Variants in LIMS1 observed in about 807,000 individuals in gnomAD.
LIMS1 encodes LIM and senescent cell antigen-like-containing domain protein 1.
A neutral mutation model predicts 44.1 loss-of-function variants in LIMS1; 18 were observed. That is an observed-to-expected ratio of 0.41 (90% CI 0.28 to 0.61). LIMS1 has a LOEUF of 0.61. Among genes scored for constraint, LIMS1 ranks in the 20% least tolerant of loss-of-function variants. The probability of loss-of-function intolerance (pLI) is 0.32; values close to 1 mark genes in which losing one functional copy is unlikely to be tolerated. For synonymous variants in LIMS1, 93 were observed against 149.1 expected, an observed-to-expected ratio of 0.62 and a Z score of 2.74; for missense variants, 201 against 422.0, an observed-to-expected ratio of 0.48 and a Z score of 4.59.
At chr2:108,642,516 C>T (rs1215787538) in intron 1 of LIMS1, among the ~76,000 whole-genome samples, 4 of 151,584 alleles carry the variant, frequency 2.6e-5, no homozygotes, top group Admixed American at 6.6e-5. Context: ...CCCGCTACCA[C>T]GCCCGGCTAA....
intron 9 of LIMS1, chr2:108,681,642 G>A (rs996441860): frequency 3.7e-5 from 35 of 941,024 alleles, no homozygotes; most frequent in South Asian, 2.0e-4. Context: ...TCAGCATGGC[G>A]AGGCATGGTG....
chr2:108,542,310 C>T lies in LIMS1; in HGVS notation c.32+7716C>T, dbSNP rs149319327. On this transcript the variant is annotated intron_variant, in intron 1 of 9. Transcript: ENST00000544547. ...CCACTGTTTTGGAAACTCGGTTAGT[C>T]ATAACCACCTTCTCTTAATTACCTA... Among the ~76,000 whole-genome samples, 10 of 152,208 alleles carry T rather than the reference C, an allele frequency of 6.6e-5. No individual in the cohort carries two copies. The East Asian group carries it at 1.9e-3, about 29-fold the overall frequency.
intron 1 of LIMS1, among the ~76,000 whole-genome samples, chr2:108,560,289 G>A (rs1029576035): frequency 2.0e-5 from 3 of 152,138 alleles, no homozygotes; most frequent in African/African-American, 7.2e-5. Flanking sequence ...GATCCTGTCA[G>A]TCTGGTTCAA....
At chr2:108,565,446 TAG>T (rs1685262844) in intron 1 of LIMS1, among the ~76,000 whole-genome samples, 1 of 152,208 alleles carries the variant, frequency 6.6e-6, no homozygotes, top group South Asian at 2.1e-4. Flanking sequence ...CATTATGAAT[TAG>T]AGTTATAATT....
At chr2:108,584,820 C>A (rs1686029559) in intron 1 of LIMS1, among the ~76,000 whole-genome samples, 1 of 151,922 alleles carries the variant, frequency 6.6e-6, no homozygotes, top group African/African-American at 2.4e-5. Flanking sequence ...AAGTGAGCGG[C>A]AGGAAGTGTC....
chr2:108,623,713 T>C (rs1161207006), intron 1 of LIMS1, among the ~76,000 whole-genome samples: 1 of 152,242 alleles, frequency 6.6e-6, no homozygotes, highest in Non-Finnish European at 1.5e-5. Flanking sequence ...TCAAACATCT[T>C]TCATACTGTC....
At chr2:108,646,664 C>A (rs1009695841) in intron 1 of LIMS1, among the ~76,000 whole-genome samples, 1 of 152,180 alleles carries the variant, frequency 6.6e-6, no homozygotes, top group Non-Finnish European at 1.5e-5. Flanking sequence ...ACGAAAAACC[C>A]TTTAAAAAAT....
intron 1 of LIMS1, among the ~76,000 whole-genome samples, chr2:108,630,965 A>G (rs1467267463): frequency 6.6e-6 from 1 of 152,250 alleles, no homozygotes; most frequent in African/African-American, 2.4e-5. Flanking sequence ...GATTCAGAAA[A>G]ATGAACATCT....
intron 1 of LIMS1, among the ~76,000 whole-genome samples, chr2:108,596,791 G>T (rs1208580140): frequency 4.0e-5 from 6 of 151,764 alleles, no homozygotes; most frequent in African/African-American, 1.4e-4. Flanking sequence ...CCATTGCACA[G>T]CCTGGACAAC....
intron 1 of LIMS1, among the ~76,000 whole-genome samples, chr2:108,568,960 C>T (rs1685388612): frequency 6.6e-6 from 1 of 152,046 alleles, no homozygotes; most frequent in South Asian, 2.1e-4. Context: ...GGCACAATCT[C>T]AGCTCACTGC....
intron 1 of LIMS1, among the ~76,000 whole-genome samples, chr2:108,640,463 A>G (rs1455619068): frequency 6.6e-6 from 1 of 152,212 alleles, no homozygotes; most frequent in Non-Finnish European, 1.5e-5. Flanking sequence ...GAGGCCACAC[A>G]GTGCTTTCAG....
At chr2:108,618,569 G>A (rs1163424615) in intron 1 of LIMS1, among the ~76,000 whole-genome samples, 3 of 152,144 alleles carry the variant, frequency 2.0e-5, no homozygotes, top group Non-Finnish European at 4.4e-5. Flanking sequence ...GCTCACGCCT[G>A]TAATCCCAGC....
At chr2:108,599,026 T>C (rs575706225) in intron 1 of LIMS1, among the ~76,000 whole-genome samples, 1 of 152,256 alleles carries the variant, frequency 6.6e-6, no homozygotes, top group African/African-American at 2.4e-5. Flanking sequence ...TTCTTTATGT[T>C]ACAAACAATC....
At chr2:108,655,126 AT>A in intron 1 of LIMS1, 8 of 1,599,286 alleles carry the variant, frequency 5.0e-6, no homozygotes, top group Non-Finnish European at 6.8e-6. Context: ...GAACGAAGAA[AT>A]CCCCCGAGCA....
At chr2:108,536,110 T>C (rs1460496284) in intron 1 of LIMS1, among the ~76,000 whole-genome samples, 1 of 152,210 alleles carries the variant, frequency 6.6e-6, no homozygotes, top group Admixed American at 6.5e-5. Context: ...AAGGAGATAA[T>C]AGTTTCCTTT....
At chr2:108,574,927 A>C (rs147187339) in intron 1 of LIMS1, among the ~76,000 whole-genome samples, 1 of 152,284 alleles carries the variant, frequency 6.6e-6, no homozygotes, top group African/African-American at 2.4e-5. Context: ...CTTAATATAG[A>C]TCCTACTTCA....
chr2:108,635,387 C>T, intron 1 of LIMS1, among the ~76,000 whole-genome samples: 1 of 138,432 alleles, frequency 7.2e-6, no homozygotes, highest in Non-Finnish European at 1.5e-5. Flanking sequence ...GAGATTGCAC[C>T]ATCACACTCC....
chr2:108,553,245 A>G (rs1014489771), intron 1 of LIMS1, among the ~76,000 whole-genome samples: 2 of 152,188 alleles, frequency 1.3e-5, no homozygotes, highest in Non-Finnish European at 2.9e-5. Context: ...GCAGATAAAT[A>G]TCTTTTGAGG....
chr2:108,644,557 G>A (rs1287791916), intron 1 of LIMS1, among the ~76,000 whole-genome samples: 1 of 152,116 alleles, frequency 6.6e-6, no homozygotes, highest in Non-Finnish European at 1.5e-5. Flanking sequence ...GCACAAAAAG[G>A]CTGAAAATTC....
Sources: allele counts gnomAD v4.1 joint callset (sites outside exome capture counted in the v4.1 genomes callset), GRCh38; gene constraint gnomAD v4.1.1; transcripts MANE v1.5; gene names NCBI Gene and HGNC (gene_info 2026-07-23, HGNC 2026-07-21).